Variants in PCDH17 observed in about 807,000 individuals in gnomAD.
PCDH17 encodes protocadherin 17, also known as protocadherin-17.
In PCDH17, 21 loss-of-function variants were observed where a neutral mutation model predicts 67.7. The ratio of observed to expected loss-of-function variants is 0.31; its 90% confidence interval spans 0.22 to 0.45. The LOEUF (loss-of-function observed/expected upper bound fraction) is 0.45, where lower values mean the gene tolerates loss of function less well. Ranked by LOEUF, PCDH17 falls within the 20% of genes least tolerant of loss-of-function variation. The probability of loss-of-function intolerance (pLI) is 1.00; values close to 1 mark genes in which losing one functional copy is unlikely to be tolerated. For synonymous variants in PCDH17, 701 were observed against 656.7 expected, an observed-to-expected ratio of 1.07 and a Z score of -1.03; for missense variants, 1,471 against 1,564.8, an observed-to-expected ratio of 0.94 and a Z score of 1.01.
chr13:57,713,348 G>T (rs749542712), intron 3 of PCDH17, among the ~76,000 whole-genome samples: 1 of 151,714 alleles, frequency 6.6e-6, no homozygotes, highest in African/African-American at 2.4e-5. Context: ...ACCAATTGTA[G>T]AGGATAAAAC....
chr13:57,643,933 G>A (rs747810867), intron 1 of PCDH17, among the ~76,000 whole-genome samples: 2 of 151,588 alleles, frequency 1.3e-5, no homozygotes, highest in African/African-American at 4.8e-5. Flanking sequence ...CTGTTATTTG[G>A]CATGGTATGC....
Position 57,641,558 on chromosome 13 carries a change from GAAAAAAAAAAAAAAAAAAA to G in PCDH17, c.2565+6459_2565+6477del, listed in dbSNP as rs71209470. ...AATTGGTTTCAGACAGTGTTTGAGA[GAAAAAAAAAAAAAAAAAAA>G]AAAAAAAAAAATATATATATATATA... On this transcript the variant is annotated intron_variant, in intron 1 of 3. Coordinates refer to ENST00000377918, the MANE Select transcript of PCDH17 (RefSeq NM_001040429.3). 6.1e-4 allele frequency among the ~76,000 whole-genome samples: 15 copies of G among 24,514 alleles called. No individual in the cohort carries two copies. The East Asian group carries it at 7.0e-3, about 11-fold the overall frequency. 16.1% of individuals were successfully genotyped at this position (24,514 alleles called of 152,430 possible).
intron 3 of PCDH17, among the ~76,000 whole-genome samples, chr13:57,677,910 G>C (rs147876452): frequency 1.3e-5 from 2 of 151,672 alleles, no homozygotes; most frequent in East Asian, 1.9e-4. Flanking sequence ...TTGAGAGGCC[G>C]GCCTAGAGGA....
At chr13:57,668,850 T>TA (rs1356001539) in intron 3 of PCDH17, among the ~76,000 whole-genome samples, 1 of 152,082 alleles carries the variant, frequency 6.6e-6, no homozygotes, top group East Asian at 1.9e-4. Context: ...TATATATATA[T>TA]TTTTATTATA....
At chr13:57,705,203 A>G (rs559266436) in intron 3 of PCDH17, among the ~76,000 whole-genome samples, 39 of 152,130 alleles carry the variant, frequency 2.6e-4, no homozygotes, top group Admixed American at 7.2e-4. Flanking sequence ...TATTGCTAAT[A>G]TATAGTATAT....
At chr13:57,696,579 C>A (rs1204678315) in intron 3 of PCDH17, among the ~76,000 whole-genome samples, 1 of 151,222 alleles carries the variant, frequency 6.6e-6, no homozygotes, top group South Asian at 2.1e-4. Flanking sequence ...AGGATTAATT[C>A]TTCGCAGCCT....
intron 3 of PCDH17, among the ~76,000 whole-genome samples, chr13:57,718,110 G>A (rs1170501878): frequency 1.3e-5 from 2 of 151,980 alleles, no homozygotes; most frequent in Admixed American, 1.3e-4. Flanking sequence ...ATGTATCCCT[G>A]TGCACAAGTG....
chr13:57,706,463 C>T (rs1016056863), intron 3 of PCDH17, among the ~76,000 whole-genome samples: 3 of 152,070 alleles, frequency 2.0e-5, no homozygotes, highest in Admixed American at 2.0e-4. Flanking sequence ...TTTCAACAGC[C>T]TGGATTAGTT....
intron 3 of PCDH17, among the ~76,000 whole-genome samples, chr13:57,717,024 G>T (rs530858194): frequency 8.2e-4 from 125 of 152,084 alleles, no homozygotes; most frequent in Middle Eastern, 3.4e-3. Context: ...TTCCTTGAAA[G>T]TCTCTGTAAG....
At chr13:57,719,693 G>A (rs1955857188) in intron 3 of PCDH17, among the ~76,000 whole-genome samples, 1 of 151,962 alleles carries the variant, frequency 6.6e-6, no homozygotes, top group South Asian at 2.1e-4. Context: ...ATTTCTGCCT[G>A]AGAGCAAAAC....
Position 57,632,888 on chromosome 13 carries a change from G to C in PCDH17, c.342G>C (p.Glu114Asp), listed in dbSNP as rs1285016377. The C allele has an allele frequency of 6.2e-7, 1 of 1,614,076 alleles. No homozygotes were observed. The highest frequency in any genetic ancestry group is 8.5e-7 in the Non-Finnish European group (1 of 1,180,022). Residue 114 changes from glutamate (E) to aspartate (D), a missense_variant, in exon 1 of 4, where the codon GAG (glutamate) becomes GAC (aspartate). Physicochemically the swap from Glu to Asp is conservative, Grantham distance 45. This residue lies in a region of PCDH17 where 1,163 missense variants were observed against 1,230.0 expected (regional missense o/e 0.95). Transcript: ENST00000377918. ...TCGAGGTGTTCGCCAACGACAAGGAGATCTGCATGATCAAGGTAGAGATCC... is the reference window on the plus strand; with the variant it reads ...TCGAGGTGTTCGCCAACGACAAGGACATCTGCATGATCAAGGTAGAGATCC... The part of the protein sequence containing the change: ...LSLEVFANDK[E>D]ICMIKVEIQD...
At chr13:57,717,564 C>T (rs9597593) in intron 3 of PCDH17, among the ~76,000 whole-genome samples, 8,454 of 151,974 alleles carry the variant, frequency 0.056, 307 homozygotes, top group Non-Finnish European at 0.085. Flanking sequence ...TCCAAATACC[C>T]AGCTGTGATT....
Position 57,632,499 on chromosome 13 carries a change from C to G in PCDH17, c.-48C>G. On this transcript the variant is annotated 5_prime_UTR_variant, in exon 1 of 4. Transcript: ENST00000377918. Reference sequence around the variant, plus strand: ...CCCCAGGCTGGCGCGCACTCCCTCTCTGGCTCCTCCAGTCCGATTGCTCCT... The same window carrying G: ...CCCCAGGCTGGCGCGCACTCCCTCTGTGGCTCCTCCAGTCCGATTGCTCCT... 1.3e-6 allele frequency: 2 copies of G among 1,566,582 alleles called. No homozygotes were observed. Among genetic ancestry groups the G allele is most frequent in the African/African-American group, 2.7e-5 (2 of 73,614 alleles).
chr13:57,635,244 C>T lies in PCDH17; in HGVS notation c.2565+133C>T, dbSNP rs547111093. On this transcript the variant is annotated intron_variant, in intron 1 of 3. Coordinates refer to ENST00000377918, the MANE Select transcript of PCDH17 (RefSeq NM_001040429.3). ...AAAATAATTAAATGAAAACGGTTTA[C>T]ACTTTTGACACTGTGTATACATCAT... 5.5e-5 allele frequency: 45 copies of T among 815,644 alleles called. No individual in the cohort carries two copies. In the African/African-American group the frequency reaches 6.4e-4, roughly 12 times the overall value. 50.5% of individuals were successfully genotyped at this position (815,644 alleles called of 1,614,324 possible). A position where few individuals can be genotyped will look rare whatever the true frequency, so the allele number is the denominator to read the frequency against.
chr13:57,677,867 G>T (rs1450974816), intron 3 of PCDH17, among the ~76,000 whole-genome samples: 1 of 151,764 alleles, frequency 6.6e-6, no homozygotes, highest in African/African-American at 2.4e-5. Context: ...TAGAAGTAGA[G>T]AGTCAAATGG....
rs996997138 is a variant in PCDH17 at position 57,632,299 on chromosome 13, C to G, written c.-248C>G. ...CAGGAAGCCACCGCCTTGCTCCAAG[C>G]CCCTGCAGCTCTGCTGCACCGCAGC... On this transcript the variant is annotated 5_prime_UTR_variant, in exon 1 of 4. Coordinates refer to ENST00000377918, the MANE Select transcript of PCDH17 (RefSeq NM_001040429.3). 1.8e-6 allele frequency: 1 copy of G among 556,778 alleles called. No individual in the cohort carries two copies. The highest frequency in any genetic ancestry group is 3.2e-6 in the Non-Finnish European group (1 of 316,510). 34.5% of individuals were successfully genotyped at this position (556,778 alleles called of 1,614,324 possible).
chr13:57,677,008 A>G (rs1320296418), intron 3 of PCDH17, among the ~76,000 whole-genome samples: 2 of 151,894 alleles, frequency 1.3e-5, no homozygotes, highest in African/African-American at 4.8e-5. Flanking sequence ...TGAATTTTTA[A>G]CTAACTTTTT....
chr13:57,703,765 C>T (rs1457020176), intron 3 of PCDH17, among the ~76,000 whole-genome samples: 1 of 152,014 alleles, frequency 6.6e-6, no homozygotes, highest in Non-Finnish European at 1.5e-5. Context: ...GTTCAGCCAC[C>T]CTATGAGTTT....
At chr13:57,689,676 T>C (rs1432809293) in intron 3 of PCDH17, among the ~76,000 whole-genome samples, 3 of 151,978 alleles carry the variant, frequency 2.0e-5, no homozygotes, top group Non-Finnish European at 4.4e-5. Context: ...CAATCGGATT[T>C]ATTCCAAATA....
Sources: gnomAD v4.1 joint callset for allele counts (sites outside exome capture counted in the v4.1 genomes callset) on GRCh38, gnomAD v4.1.1 for gene constraint, gnomAD v4.1.1 regional missense constraint, MANE v1.5 for transcripts, NCBI Gene and HGNC (gene_info 2026-07-23, HGNC 2026-07-21) for gene names.